SYTL5: variants seen among roughly 807,000 people sequenced by gnomAD.
SYTL5 encodes synaptotagmin like 5, also known as synaptotagmin-like protein 5.
SYTL5 carries 34 observed loss-of-function variants against 55.9 expected under a neutral mutation model. That is an observed-to-expected ratio of 0.61 (90% CI 0.46 to 0.81). The LOEUF is 0.81. SYTL5 is among the 30% of genes least tolerant of loss of function. The pLI is 0.00. For missense variants in SYTL5, 637 were observed against 546.7 expected (o/e 1.17, Z -1.65); for synonymous variants, 221 against 188.7 (o/e 1.17, Z -1.40).
chrX:38,048,009 A>AC (rs1388193846), intron 2 of SYTL5, among the ~76,000 whole-genome samples: 1 of 109,835 alleles, frequency 9.1e-6, no homozygotes, highest in Admixed American at 9.7e-5. Flanking sequence ...ACATGGTGAA[A>AC]CCCCCTCTCT....
the SYTL5 span, among the ~76,000 whole-genome samples, chrX:37,923,164 T>C: frequency 8.9e-5 from 10 of 112,904 alleles, no homozygotes; most frequent in Non-Finnish European, 1.3e-4. Flanking sequence ...TGTCCACTTA[T>C]TCCCCTGCTG....
the SYTL5 span, among the ~76,000 whole-genome samples, chrX:37,921,111 C>G: frequency 9.0e-6 from 1 of 111,411 alleles, no homozygotes; most frequent in Admixed American, 9.6e-5. Flanking sequence ...TTGACTGATT[C>G]TATTGTTTAA....
intron 1 of SYTL5, among the ~76,000 whole-genome samples, chrX:38,014,373 G>C (rs1173727484): frequency 1.8e-5 from 2 of 112,522 alleles, no homozygotes; most frequent in African/African-American, 6.5e-5. Flanking sequence ...CACTGGACAA[G>C]TTACTTAACC....
chrX:37,939,104 C>T, the SYTL5 span, among the ~76,000 whole-genome samples: 10 of 108,782 alleles, frequency 9.2e-5, no homozygotes, highest in Non-Finnish European at 1.5e-4. Context: ...CTAAAAATAC[C>T]CAAAAAACTA....
In SYTL5 at chrX:38,080,945, A is replaced by T. The variant is rs777465533; in HGVS notation, c.689+4244A>T. ...ATGGTCTGTTTTGCGTATTAGATAAAACATTACATAGCTAGTTGCTAATGC... is the reference window on the plus strand; with the variant it reads ...ATGGTCTGTTTTGCGTATTAGATAATACATTACATAGCTAGTTGCTAATGC... On this transcript the variant is annotated intron_variant, in intron 6 of 16. Transcript: ENST00000297875. Among the ~76,000 whole-genome samples the T allele has an allele frequency of 3.6e-5, 4 of 111,908 alleles. No individual in the cohort carries two copies. The Admixed American group carries it at 3.8e-4, about 11-fold the overall frequency.
chrX:38,106,819 T>C, intron 11 of SYTL5, 48 bp downstream of exon 11: 2 of 1,025,353 alleles, frequency 2.0e-6, no homozygotes, highest in Non-Finnish European at 1.3e-6. Flanking sequence ...CTGCCTTTTT[T>C]GTCTGTATGT....
chrX:38,038,289 C>A (rs930587733), intron 2 of SYTL5, among the ~76,000 whole-genome samples: 12 of 111,948 alleles, frequency 1.1e-4, no homozygotes, highest in African/African-American at 3.9e-4. Context: ...CGTTCCCACA[C>A]TTTTGTGAAT....
At chrX:38,087,138 G>A (rs73467450) in intron 6 of SYTL5, among the ~76,000 whole-genome samples, 1,606 of 111,303 alleles carry the variant, frequency 0.014, 12 homozygotes, top group Middle Eastern at 0.018. Context: ...ACCCACATGA[G>A]TCCCTTTGGT....
At chrX:38,094,244 T>C in intron 7 of SYTL5, 51 bp from the exon 8 acceptor site, 4 of 1,069,667 alleles carry the variant, frequency 3.7e-6, no homozygotes, top group Non-Finnish European at 5.1e-6. Context: ...ATGAATTTTA[T>C]AGTAAATTAC....
chrX:37,991,389 C>T, the SYTL5 span: 3 of 709,513 alleles, frequency 4.2e-6, no homozygotes, highest in Non-Finnish European at 6.0e-6. Flanking sequence ...GGAAGCTATC[C>T]CCAGAGAGCT....
chrX:37,939,053 T>C, the SYTL5 span, among the ~76,000 whole-genome samples: 4 of 109,408 alleles, frequency 3.7e-5, no homozygotes, highest in East Asian at 1.1e-3. Flanking sequence ...AGGTCGGGAG[T>C]TTGAGACCAG....
At chrX:38,008,551 G>A (rs1934069897) in intron 1 of SYTL5, among the ~76,000 whole-genome samples, 1 of 111,726 alleles carries the variant, frequency 9.0e-6, no homozygotes, top group Non-Finnish European at 1.9e-5. Flanking sequence ...ATCTAAAATA[G>A]GGAGGAGCTC....
chrX:37,931,584 C>T, the SYTL5 span, among the ~76,000 whole-genome samples: 1 of 111,060 alleles, frequency 9.0e-6, no homozygotes, highest in African/African-American at 3.3e-5. Context: ...CTACTTTACC[C>T]ACTAAAATAC....
chrX:38,033,744 G>T lies in SYTL5; in HGVS notation c.-146G>T. On this transcript the variant is annotated 5_prime_UTR_variant, in exon 2 of 17. Coordinates refer to ENST00000297875, the MANE Select transcript of SYTL5 (RefSeq NM_138780.3). The stretch of plus-strand genomic sequence containing the variant: ...CTGAAAGAATACTTAACTACCATAC[G>T]CAATTCTGCAGAGACCTTGTAAAAA... The T allele has an allele frequency of 5.5e-6, 2 of 363,492 alleles. No individual in the cohort carries two copies. The highest frequency in any genetic ancestry group is 7.7e-4 in the Middle Eastern group (1 of 1,302). The allele number at this position is 363,492 out of a possible 1,213,427, so 30.0% of individuals were successfully genotyped here. A position where few individuals can be genotyped will look rare whatever the true frequency, so the allele number is the denominator to read the frequency against.
At chrX:37,902,243 T>G in the SYTL5 span, among the ~76,000 whole-genome samples, 1 of 112,224 alleles carries the variant, frequency 8.9e-6, no homozygotes, top group South Asian at 3.7e-4. Flanking sequence ...CAGAGTGTAC[T>G]TCTTCCTGTG....
At chrX:38,125,177 T>A in intron 15 of SYTL5, 121 bp from the exon 16 acceptor site, 1 of 560,102 alleles carries the variant, frequency 1.8e-6, no homozygotes, top group South Asian at 3.1e-5. Context: ...ACTATATAAA[T>A]CCAGATTTAA....
At chrX:37,996,925 C>G in the SYTL5 span, among the ~76,000 whole-genome samples, 1 of 112,332 alleles carries the variant, frequency 8.9e-6, no homozygotes, top group Non-Finnish European at 1.9e-5. Flanking sequence ...AGCTCACATA[C>G]CTAATCTGGA....
At chrX:38,102,491 T>C (rs1937109909) in intron 10 of SYTL5, 57 bp downstream of exon 10, 1 of 854,450 alleles carries the variant, frequency 1.2e-6, no homozygotes, top group African/African-American at 2.0e-5. Context: ...TGATTTTCTG[T>C]GCATTTCCAA....
chrX:38,124,784 G>T lies in SYTL5; in HGVS notation c.1842-514G>T, dbSNP rs764783516. ...GTCACTTTGAGGGACAGGGAAGATGGGGAAATTATCCACCAATTTCTCAAA... is the reference window on the plus strand; with the variant it reads ...GTCACTTTGAGGGACAGGGAAGATGTGGAAATTATCCACCAATTTCTCAAA... On this transcript the variant is annotated intron_variant, in intron 15 of 16. Coordinates refer to ENST00000297875, the MANE Select transcript of SYTL5 (RefSeq NM_138780.3). Among the ~76,000 whole-genome samples, 22 of 112,038 alleles carry T rather than the reference G, an allele frequency of 2.0e-4. 1 individual carries two copies. The Admixed American group carries it at 2.0e-3, about 10-fold the overall frequency.
Sources: allele counts gnomAD v4.1 joint callset (sites outside exome capture counted in the v4.1 genomes callset), GRCh38; gene constraint gnomAD v4.1.1; transcripts MANE v1.5; gene names NCBI Gene and HGNC (gene_info 2026-07-23, HGNC 2026-07-21).